Variants in TTN observed in about 807,000 individuals in gnomAD.
TTN encodes the protein titin.
In TTN, 1,525 loss-of-function variants were observed where a neutral mutation model predicts 3,223.0. That is an observed-to-expected ratio of 0.47 (90% CI 0.45 to 0.49). The LOEUF is 0.49. Ranked by LOEUF, TTN falls within the 20% of genes least tolerant of loss-of-function variation. The pLI is 0.00. For synonymous variants in TTN, 14,094 were observed against 15,161.0 expected, an observed-to-expected ratio of 0.93 and a Z score of 5.17; for missense variants, 40,786 against 43,424.0, an observed-to-expected ratio of 0.94 and a Z score of 5.40.
chr2:178,705,260 G>C lies in TTN; in HGVS notation c.29518C>G (p.Arg9840Gly). ...CGGAAGTCAGTGATTCCATACATGCGGGCATATTTTTCATATTCTTTAGGA... is the reference window on the plus strand; with the variant it reads ...CGGAAGTCAGTGATTCCATACATGCCGGCATATTTTTCATATTCTTTAGGA... Reference protein sequence around the residue: ...VDPKEYEKYARMYGITDFRGL... With the variant: ...VDPKEYEKYAGMYGITDFRGL... Residue 9840 changes from arginine (R) to glycine (G), a missense_variant, in exon 103 of 363, where the codon CGC becomes GGC. Transcript: ENST00000589042. 1.2e-6 allele frequency: 2 copies of C among 1,613,432 alleles called. No individual in the cohort carries two copies. Among genetic ancestry groups the C allele is most frequent in the Non-Finnish European group, 8.5e-7 (1 of 1,179,666 alleles).
intron 250 of TTN, 35 bp from the exon 251 acceptor site, chr2:178,618,888 T>C (rs1394230622): frequency 6.3e-7 from 1 of 1,593,072 alleles, no homozygotes; most frequent in Non-Finnish European, 8.5e-7. Context: ...CGCTTTCGAC[T>C]ATTAAACGTA....
chr2:178,677,650 A>G lies in TTN; in HGVS notation c.34262T>C (p.Val11421Ala), dbSNP rs1172515586. Reference protein sequence around the residue: ...FVPEEEVLPEVKPKVPVPAPV... With the variant: ...FVPEEEVLPEAKPKVPVPAPV... ...TGCAGGTACTGGCACCTTAGGTTTA[A>G]CTTCTGGAAGGACTTCTTCTTCAGG... is the stretch of plus-strand genomic sequence containing the variant. The change falls in exon 146 of 363, where the codon GTT (valine) becomes GCT (alanine). Residue 11421 changes from valine (V) to alanine (A), a missense_variant. By Grantham distance (64) the Val-to-Ala change is moderately conservative. Transcript: ENST00000589042. 6.2e-7 allele frequency: 1 copy of G among 1,611,676 alleles called. No individual in the cohort carries two copies. The highest frequency in any genetic ancestry group is 8.5e-7 in the Non-Finnish European group (1 of 1,178,664).
intron 213 of TTN, 45 bp from the exon 214 acceptor site, chr2:178,647,509 T>A: frequency 6.6e-7 from 1 of 1,526,012 alleles, no homozygotes; most frequent in Non-Finnish European, 8.9e-7. Flanking sequence ...TTAGAAGACA[T>A]GCAAGATTGT....
In TTN at chr2:178,615,621, A is replaced by G; in HGVS notation, c.48460+20T>C. The stretch of plus-strand genomic sequence containing the variant: ...AACAGGCAACAAGATTAGGTAAGAA[A>G]TCATCAAGAATGTACTCACTTGCAG... On this transcript the variant is annotated intron_variant, in intron 258 of 362. Coordinates refer to ENST00000589042, the MANE Select transcript of TTN (RefSeq NM_001267550.2). The G allele has an allele frequency of 6.2e-7, 1 of 1,611,572 alleles. No individual in the cohort carries two copies. The highest frequency in any genetic ancestry group is 8.5e-7 in the Non-Finnish European group (1 of 1,178,732).
In TTN at chr2:178,759,157, CACG is replaced by C; in HGVS notation, c.10127_10129del (p.Ser3376del). On this transcript the variant is annotated inframe_deletion, in exon 44 of 363. Coordinates refer to ENST00000589042, the MANE Select transcript of TTN (RefSeq NM_001267550.2). Reference sequence around the variant, plus strand: ...CTTGATTTTCTTGTCTTTGCTGTACCACGACACTTTTAGATCTGCGACACAAAA... The same window carrying C: ...CTTGATTTTCTTGTCTTTGCTGTACCACACTTTTAGATCTGCGACACAAAA... 6.2e-7 allele frequency: 1 copy of C among 1,613,864 alleles called. No individual in the cohort carries two copies. The highest frequency in any genetic ancestry group is 8.5e-7 in the Non-Finnish European group (1 of 1,179,934).
rs587780489 is a variant in TTN at position 178,597,809 on chromosome 2, G to A, written c.57273C>T (p.Asp19091=). The A allele has an allele frequency of 1.9e-5, 30 of 1,613,026 alleles. No homozygotes were observed. Among genetic ancestry groups the A allele is most frequent in the Non-Finnish European group, 2.5e-5 (29 of 1,179,552 alleles). ...IEMKDRLVSP[D]LQLDASVRDR... is the part of the protein sequence containing the mutation. ...CTCTGACACTGGCATCTAGCTGAAG[G>A]TCAGGTGAAACTGGAAGCAATTGAA... The change falls in exon 294 of 363, where the codon GAC becomes GAT. Residue 19091 remains aspartate (D), a synonymous_variant. Coordinates refer to ENST00000589042, the MANE Select transcript of TTN (RefSeq NM_001267550.2).
At position 178,792,272 on chromosome 2, in the gene TTN, C is replaced by T. The variant is rs548093870; in HGVS notation, c.1537-75G>A. On this transcript the variant is annotated intron_variant, in intron 9 of 362. Transcript: ENST00000589042. ...ATAATATGGTGTTTATTAAATATAA[C>T]AACATAGGAATTTGAAGATGTAAAA... is the stretch of plus-strand genomic sequence containing the variant. The T allele has an allele frequency of 1.3e-5, 19 of 1,442,126 alleles. No individual in the cohort carries two copies. In the South Asian group the frequency reaches 2.2e-4, roughly 16 times the overall value. The allele number at this position is 1,442,126 out of a possible 1,614,324, so 89.3% of individuals were successfully genotyped here.
At position 178,794,658 on chromosome 2, in the gene TTN, C is replaced by T. The variant is rs1030321890; in HGVS notation, c.1246-107G>A. The stretch of plus-strand genomic sequence containing the variant: ...CCACCTAGAGCAAAATACACTCATA[C>T]ATAAGCATTTATTATTGCCAAGAAA... On this transcript the variant is annotated intron_variant, in intron 7 of 362. Coordinates refer to ENST00000589042, the MANE Select transcript of TTN (RefSeq NM_001267550.2). 2.2e-6 allele frequency: 3 copies of T among 1,346,402 alleles called. No individual in the cohort carries two copies. In the African/African-American group the frequency reaches 4.3e-5, roughly 19 times the overall value. The allele number at this position is 1,346,402 out of a possible 1,614,324, so 83.4% of individuals were successfully genotyped here.
At position 178,583,774 on chromosome 2, in the gene TTN, T is replaced by C; in HGVS notation, c.65408A>G (p.Lys21803Arg). 6.2e-7 allele frequency: 1 copy of C among 1,611,356 alleles called. No homozygotes were observed. Among genetic ancestry groups the C allele is most frequent in the Non-Finnish European group, 8.5e-7 (1 of 1,178,692 alleles). The change falls in exon 312 of 363, where the codon AAA (lysine) becomes AGA (arginine). Residue 21803 changes from lysine to arginine, a missense_variant. Physicochemically the swap from Lys to Arg is conservative, Grantham distance 26. Coordinates refer to ENST00000589042, the MANE Select transcript of TTN (RefSeq NM_001267550.2). ...AGGTGCAGTATTGCACCGTACCCAT[T>C]TATCACCAGGAAGTTTGCAAGCTTC... is the stretch of plus-strand genomic sequence containing the variant. ...FVEACKLPGDKWVRCNTAPHQ... is the reference protein window; with the variant it reads ...FVEACKLPGDRWVRCNTAPHQ...
At chr2:178,668,443 G>A (rs1301265666) in intron 159 of TTN, among the ~76,000 whole-genome samples, 1 of 152,008 alleles carries the variant, frequency 6.6e-6, no homozygotes, top group Non-Finnish European at 1.5e-5. Flanking sequence ...AAAAAAAATG[G>A]AAGCGGGTCT....
At position 178,663,708 on chromosome 2, in the gene TTN, G is replaced by T. The variant is rs370418622; in HGVS notation, c.36451C>A (p.Pro12151Thr). ...KEPEVPPVKV[P>T]EPPKEVVPEK... Reference sequence around the variant, plus strand: ...GGAACTACTTCTTTGGGAGGCTCTGGTACTTAAAAGATATTAGCAAAATTA... The same window carrying T: ...GGAACTACTTCTTTGGGAGGCTCTGTTACTTAAAAGATATTAGCAAAATTA... The change falls in exon 171 of 363, where the codon CCA (proline) becomes ACA (threonine). Residue 12151 changes from proline (P) to threonine (T), a missense_variant and splice_region_variant. Physicochemically the swap from Pro to Thr is conservative, Grantham distance 38. Coordinates refer to ENST00000589042, the MANE Select transcript of TTN (RefSeq NM_001267550.2). The T allele has an allele frequency of 1.2e-6, 2 of 1,613,054 alleles. No homozygotes were observed. The highest frequency in any genetic ancestry group is 1.3e-5 in the African/African-American group (1 of 74,696).
chr2:178,610,926 C>G, intron 270 of TTN, 67 bp downstream of exon 270: 1 of 1,578,500 alleles, frequency 6.3e-7, no homozygotes, highest in Non-Finnish European at 8.6e-7. Flanking sequence ...TTATTAATAG[C>G]ACTGCAAAGT....
Position 178,527,543 on chromosome 2 carries a change from C to T in TTN, c.107583G>A (p.Glu35861=), listed in dbSNP as rs1575176019. ...TGCTGGAACTCATTTCTACAAAGGACTCTTGCATGGAGGACATGCTTTGGG... is the reference window on the plus strand; with the variant it reads ...TGCTGGAACTCATTTCTACAAAGGATTCTTGCATGGAGGACATGCTTTGGG... The part of the protein sequence containing the change: ...MSAQSMSSMQ[E]SFVEMSSSSF... The change falls in exon 362 of 363, where the codon GAG becomes GAA. Residue 35861 remains glutamate, a synonymous_variant. Transcript: ENST00000589042. 5.0e-6 allele frequency: 8 copies of T among 1,614,004 alleles called. No individual in the cohort carries two copies. The highest frequency in any genetic ancestry group is 6.8e-6 in the Non-Finnish European group (8 of 1,179,864).
chr2:178,781,408 T>G, intron 20 of TTN, 145 bp from the exon 21 acceptor site: 2 of 909,130 alleles, frequency 2.2e-6, no homozygotes, highest in Non-Finnish European at 3.4e-6. Context: ...GATTATAAGA[T>G]TGCTGAAAAT....
Position 178,712,852 on chromosome 2 carries a change from T to C in TTN, c.27173A>G (p.Glu9058Gly). ...FSVSWFKGSS[E>G]LVPGDRCNVS... ...GTTGCATCTGTCACCTGGTACTAGT[T>C]CACTGCTACCTTTGAACCAGCTAAC... The change falls in exon 94 of 363, where the codon GAA becomes GGA. Residue 9058 changes from glutamate (E) to glycine (G), a missense_variant. Coordinates refer to ENST00000589042, the MANE Select transcript of TTN (RefSeq NM_001267550.2). 6.2e-7 allele frequency: 1 copy of C among 1,613,798 alleles called. No homozygotes were observed. The highest frequency in any genetic ancestry group is 8.5e-7 in the Non-Finnish European group (1 of 1,179,770).
intron 47 of TTN, chr2:178,750,137 G>A (rs1422561540): frequency 1.2e-6 from 2 of 1,613,088 alleles, no homozygotes; most frequent in Admixed American, 3.3e-5. Flanking sequence ...AGGAACTGGT[G>A]GGTTAGTTTT....
At chr2:178,642,773 G>A (rs910949851) in intron 218 of TTN, among the ~76,000 whole-genome samples, 2 of 151,914 alleles carry the variant, frequency 1.3e-5, no homozygotes, top group African/African-American at 2.4e-5. Context: ...CAAGAGTTCC[G>A]GTTTGTGACT....
At chr2:178,680,451 G>A (rs1004162615) in intron 138 of TTN, 120 bp from the exon 139 acceptor site, 18 of 811,710 alleles carry the variant, frequency 2.2e-5, no homozygotes, top group African/African-American at 7.0e-5. Context: ...ATACATATGC[G>A]ATTGTTCATC....
intron 149 of TTN, chr2:178,675,400 G>C (rs1362495583): frequency 2.6e-6 from 1 of 381,470 alleles, no homozygotes; most frequent in African/African-American, 2.1e-5. Context: ...GAAGAAATGG[G>C]TATTTCAGGG....
Sources: gnomAD v4.1 joint callset for allele counts (sites outside exome capture counted in the v4.1 genomes callset) on GRCh38, gnomAD v4.1.1 for gene constraint, MANE v1.5 for transcripts, NCBI Gene and HGNC (gene_info 2026-07-23, HGNC 2026-07-21) for gene names.